BCAS3: variants seen among roughly 807,000 people sequenced by gnomAD.
The protein encoded by BCAS3 is BCAS3 microtubule associated cell migration factor, also known as BCAS4/BCAS3 fusion.
Under a neutral mutation model 116.1 loss-of-function variants are expected in BCAS3, and 53 were observed. That is an observed-to-expected ratio of 0.46 (90% CI 0.37 to 0.57). BCAS3 has a LOEUF of 0.57. BCAS3 is among the 20% of genes least tolerant of loss of function. The pLI is 0.00. For synonymous variants in BCAS3, 391 were observed against 408.2 expected, an observed-to-expected ratio of 0.96 and a Z score of 0.51; for missense variants, 917 against 1,165.4, an observed-to-expected ratio of 0.79 and a Z score of 3.10.
intron 7 of BCAS3, among the ~76,000 whole-genome samples, chr17:60,867,917 T>C (rs1461554594): frequency 2.0e-5 from 3 of 152,144 alleles, no homozygotes; most frequent in Non-Finnish European, 4.4e-5. Context: ...TTAAGGTTGG[T>C]ACCCTTTATC....
intron 22 of BCAS3, among the ~76,000 whole-genome samples, chr17:61,142,167 G>A (rs2056747542): frequency 6.6e-6 from 1 of 151,748 alleles, no homozygotes; most frequent in Non-Finnish European, 1.5e-5. Flanking sequence ...CATTAATCTT[G>A]TTGACAATCT....
chr17:61,073,052 G>C lies in BCAS3; in HGVS notation c.2030-1868G>C, dbSNP rs1168604210. Among the ~76,000 whole-genome samples, 1 of 152,098 alleles carries C rather than the reference G, an allele frequency of 6.6e-6. No individual in the cohort carries two copies. Among genetic ancestry groups the C allele is most frequent in the Non-Finnish European group, 1.5e-5 (1 of 68,018 alleles). ...AAGAATTAATATAGAATTTAGTGGTGGGAAGATAACTTAGCCTTTTGAAAA... is the reference window on the plus strand; with the variant it reads ...AAGAATTAATATAGAATTTAGTGGTCGGAAGATAACTTAGCCTTTTGAAAA... On this transcript the variant is annotated intron_variant, in intron 19 of 23. Transcript: ENST00000407086. The surrounding 1 kb of genome is among the most constrained non-coding windows in gnomAD (Gnocchi z 4.6).
At chr17:60,987,066 C>T (rs2063184709) in intron 14 of BCAS3, 1 of 152,008 alleles carries the variant, frequency 6.6e-6, no homozygotes, top group Non-Finnish European at 1.5e-5. Context: ...CCAGTTTTCC[C>T]AGCACTAATT....
chr17:61,057,615 G>A (rs1200501251), intron 19 of BCAS3, among the ~76,000 whole-genome samples: 1 of 151,690 alleles, frequency 6.6e-6, no homozygotes, highest in Admixed American at 6.6e-5. Context: ...CCCAAGACAT[G>A]TTAAAAGAGG....
At position 61,034,409 on chromosome 17, in the gene BCAS3, C is replaced by A. The variant is rs1055312651; in HGVS notation, c.1638-257C>A. Among the ~76,000 whole-genome samples the A allele has an allele frequency of 2.6e-5, 4 of 152,096 alleles. No individual in the cohort carries two copies. The highest frequency in any genetic ancestry group is 1.3e-4 in the Admixed American group (2 of 15,268). ...TGAAAAGAGGTGACTTGGATTTTGCCAGCACATACTTCAAAAAGGAGTTGA... is the reference window on the plus strand; with the variant it reads ...TGAAAAGAGGTGACTTGGATTTTGCAAGCACATACTTCAAAAAGGAGTTGA... On this transcript the variant is annotated intron_variant, in intron 16 of 23. Coordinates refer to ENST00000407086, the MANE Select transcript of BCAS3 (RefSeq NM_017679.5). The surrounding 1 kb of genome is among the most constrained non-coding windows in gnomAD (Gnocchi z 5.0).
rs1408887847 is a variant in BCAS3 at position 61,126,617 on chromosome 17, GA to G, written c.2425+42058del. On this transcript the variant is annotated intron_variant, in intron 22 of 23. Transcript: ENST00000407086. This position sits in a 1 kb window ranked among gnomAD's most constrained non-coding sequence, Gnocchi z 4.6. ...AGTTTTGAAAGTTGAGCCAGACCAG[GA>G]AAAATCAGGATACAATTTGGCACTT... 6.6e-6 allele frequency among the ~76,000 whole-genome samples: 1 copy of G among 152,162 alleles called. No homozygotes were observed. The highest frequency in any genetic ancestry group is 1.5e-5 in the Non-Finnish European group (1 of 68,016).
chr17:61,283,001 T>C (rs2051371366), intron 22 of BCAS3, among the ~76,000 whole-genome samples: 1 of 151,402 alleles, frequency 6.6e-6, no homozygotes, highest in Non-Finnish European at 1.5e-5. Flanking sequence ...TTTCCCCCTT[T>C]AAAAATAAAT....
intron 22 of BCAS3, among the ~76,000 whole-genome samples, chr17:61,163,528 A>G (rs746936533): frequency 9.9e-5 from 15 of 152,184 alleles, no homozygotes; most frequent in Non-Finnish European, 1.8e-4. Flanking sequence ...TTAACACCTG[A>G]ATGACCAAGA....
At chr17:61,262,709 T>G (rs1346364891) in intron 22 of BCAS3, among the ~76,000 whole-genome samples, 1 of 149,170 alleles carries the variant, frequency 6.7e-6, no homozygotes, top group Non-Finnish European at 1.5e-5. Context: ...TTTTTTTTTT[T>G]GAGACAGAGT....
At chr17:60,880,269 C>CT (rs370659364) in intron 9 of BCAS3, among the ~76,000 whole-genome samples, 133 of 147,070 alleles carry the variant, frequency 9.0e-4, no homozygotes, top group East Asian at 5.2e-3. Flanking sequence ...AGGATGTTCA[C>CT]TTTTTTTTTT....
At chr17:60,742,885 G>A (rs1004800515) in intron 5 of BCAS3, among the ~76,000 whole-genome samples, 29 of 151,782 alleles carry the variant, frequency 1.9e-4, no homozygotes, top group Admixed American at 3.3e-4. Flanking sequence ...AGGCCGAGGT[G>A]GGCAGATCAT....
intron 15 of BCAS3, among the ~76,000 whole-genome samples, chr17:60,991,561 A>T (rs994835803): frequency 4.6e-5 from 7 of 152,212 alleles, no homozygotes; most frequent in Admixed American, 2.0e-4. Context: ...TGACCATTTT[A>T]GGTTTTCAAG....
At chr17:60,913,643 A>T (rs1430664348) in intron 12 of BCAS3, among the ~76,000 whole-genome samples, 5 of 152,112 alleles carry the variant, frequency 3.3e-5, no homozygotes, top group Non-Finnish European at 7.4e-5. Context: ...TTCCTTTTCC[A>T]AATACAACTC....
At chr17:60,886,969 C>T (rs867839678) in intron 9 of BCAS3, 1 of 143,918 alleles carries the variant, frequency 6.9e-6, no homozygotes, top group Non-Finnish European at 1.6e-5. Context: ...GTGGTGGGCT[C>T]CACCCAGTTG....
intron 15 of BCAS3, among the ~76,000 whole-genome samples, chr17:61,014,198 C>T (rs904684138): frequency 6.6e-6 from 1 of 151,988 alleles, no homozygotes; most frequent in African/African-American, 2.4e-5. Context: ...ATAAAATTAA[C>T]ATTAAGTCAA....
At chr17:61,297,610 C>G (rs917120399) in intron 22 of BCAS3, among the ~76,000 whole-genome samples, 1 of 152,132 alleles carries the variant, frequency 6.6e-6, no homozygotes, top group African/African-American at 2.4e-5. Context: ...AGGGGCAAAA[C>G]TGCAGAGAAA....
chr17:61,203,446 G>A lies in BCAS3; in HGVS notation c.2425+118882G>A, dbSNP rs376641164. Among the ~76,000 whole-genome samples, 47 of 152,210 alleles carry A rather than the reference G, an allele frequency of 3.1e-4. No homozygotes were observed. The East Asian group carries it at 6.0e-3, about 19-fold the overall frequency. ...GCTGGTATCACAGGTGTGAGCCACC[G>A]CGCCTGGGCTTCATTACAATTTTTA... On this transcript the variant is annotated intron_variant, in intron 22 of 23. Transcript: ENST00000407086. This position sits in a 1 kb window ranked among gnomAD's most constrained non-coding sequence, Gnocchi z 5.7.
Position 61,151,454 on chromosome 17 carries a change from A to T in BCAS3, c.2425+66890A>T, listed in dbSNP as rs143739912. Among the ~76,000 whole-genome samples, 518 of 145,972 alleles carry T rather than the reference A, an allele frequency of 3.5e-3. 12 individuals are homozygous for T. The highest frequency in any genetic ancestry group is 0.031 in the Admixed American group (454 of 14,708). On this transcript the variant is annotated intron_variant, in intron 22 of 23. Coordinates refer to ENST00000407086, the MANE Select transcript of BCAS3 (RefSeq NM_017679.5). This position sits in a 1 kb window ranked among gnomAD's most constrained non-coding sequence, Gnocchi z 4.8. ...TTCCTGCATTGCTTCTAATCTAAAC[A>T]TCTCTTTCATTCAACGTTTTCTTTT...
chr17:60,736,790 T>G (rs1210077443), intron 5 of BCAS3, among the ~76,000 whole-genome samples: 1 of 152,136 alleles, frequency 6.6e-6, no homozygotes, highest in Non-Finnish European at 1.5e-5. Context: ...ATCTAGGTTA[T>G]CAAACTTGTG....
Sources: allele counts gnomAD v4.1 joint callset (sites outside exome capture counted in the v4.1 genomes callset), GRCh38; gene constraint gnomAD v4.1.1; non-coding constraint Gnocchi (gnomAD v3.1); transcripts MANE v1.5; gene names NCBI Gene and HGNC (gene_info 2026-07-23, HGNC 2026-07-21).